The following USP29 variants were observed in gnomAD, a reference collection of about 807,000 sequenced individuals.
USP29 encodes ubiquitin specific peptidase 29, also known as ubiquitin carboxyl-terminal hydrolase 29.
For missense variants in USP29, 1,102 were observed against 1,069.0 expected (o/e 1.03, Z -0.43); for synonymous variants, 386 against 387.4 (o/e 1.00, Z 0.04).
intron 3 of USP29, among the ~76,000 whole-genome samples, chr19:57,124,491 G>GT (rs71186225): frequency 0.13 from 18,105 of 139,642 alleles, 1,530 homozygotes; most frequent in East Asian, 0.42. Context: ...TTTCTTTTTT[G>GT]TTTTTTTTTT....
chr19:57,131,651 C>T lies in USP29; in HGVS notation c.*207C>T. On this transcript the variant is annotated 3_prime_UTR_variant, in exon 4 of 4. Transcript: ENST00000254181. Reference sequence around the variant, plus strand: ...CAGGCGCATATGCATATTTTCCCTGCAAGATTAGAATGGTGCTCTTCACGT... The same window carrying T: ...CAGGCGCATATGCATATTTTCCCTGTAAGATTAGAATGGTGCTCTTCACGT... 1 of 750,272 alleles carries T rather than the reference C, an allele frequency of 1.3e-6. No homozygotes were observed. The highest frequency in any genetic ancestry group is 2.6e-5 in the South Asian group (1 of 37,810). 46.5% of individuals were successfully genotyped at this position (750,272 alleles called of 1,614,324 possible).
intron 1 of USP29, among the ~76,000 whole-genome samples, chr19:57,121,324 C>T (rs2086794507): frequency 2.1e-5 from 3 of 140,118 alleles, no homozygotes; most frequent in Non-Finnish European, 3.0e-5. Context: ...ATGTTATGTA[C>T]TTATATATTA....
intron 3 of USP29, among the ~76,000 whole-genome samples, chr19:57,124,670 G>A (rs1159511055): frequency 6.6e-6 from 1 of 151,618 alleles, no homozygotes; most frequent in Non-Finnish European, 1.5e-5. Flanking sequence ...CACCATGCCC[G>A]GCTAATTTTT....
At position 57,131,415 on chromosome 19, in the gene USP29, G is replaced by A. The variant is rs1282308852; in HGVS notation, c.2740G>A (p.Glu914Lys). The A allele has an allele frequency of 6.2e-7, 1 of 1,613,094 alleles. No homozygotes were observed. Among genetic ancestry groups the A allele is most frequent in the Non-Finnish European group, 8.5e-7 (1 of 1,179,596 alleles). The part of the protein sequence containing the change: ...QAGVIPQGEY[E>K]GDSLYRPA ...AGGGGTGATCCCTCAGGGGGAATACGAAGGTGACTCTTTGTACAGACCTGC... is the reference window on the plus strand; with the variant it reads ...AGGGGTGATCCCTCAGGGGGAATACAAAGGTGACTCTTTGTACAGACCTGC... Residue 914 changes from glutamate to lysine, a missense_variant, in exon 4 of 4, where the codon GAA becomes AAA. Coordinates refer to ENST00000254181, the MANE Select transcript of USP29 (RefSeq NM_020903.3).
At chr19:57,121,605 TTA>T (rs1322796512) in intron 1 of USP29, among the ~76,000 whole-genome samples, 1 of 146,542 alleles carries the variant, frequency 6.8e-6, no homozygotes, top group African/African-American at 2.5e-5. Context: ...CTTATATATG[TTA>T]TATATGCTTA....
Position 57,131,376 on chromosome 19 carries a change from C to G in USP29, c.2701C>G (p.Pro901Ala), listed in dbSNP as rs2086859928. The G allele has an allele frequency of 1.9e-6, 3 of 1,614,154 alleles. No individual in the cohort carries two copies. In the East Asian group the frequency reaches 6.7e-5, roughly 36 times the overall value. Residue 901 changes from proline to alanine, a missense_variant, in exon 4 of 4, where the codon CCT becomes GCT. Transcript: ENST00000254181. ...LLRKAENSRL[P>A]STQAGVIPQG... ...AAGAAAAGCAGAGAACTCTCGGCTA[C>G]CTAGCACACAGGCAGGGGTGATCCC...
At chr19:57,125,926 C>A (rs4292020) in intron 3 of USP29, among the ~76,000 whole-genome samples, 20,601 of 152,000 alleles carry the variant, frequency 0.14, 2,115 homozygotes, top group African/African-American at 0.29. Context: ...ATATTTAGTG[C>A]TTCCTCCAGG....
Position 57,131,674 on chromosome 19 carries a change from C to T in USP29, c.*230C>T, listed in dbSNP as rs892458121. 33 of 618,690 alleles carry T rather than the reference C, an allele frequency of 5.3e-5. No homozygotes were observed. The highest frequency in any genetic ancestry group is 7.4e-5 in the Admixed American group (2 of 26,960). 38.3% of individuals were successfully genotyped at this position (618,690 alleles called of 1,614,324 possible). A position where few individuals can be genotyped will look rare whatever the true frequency, so the allele number is the denominator to read the frequency against. On this transcript the variant is annotated 3_prime_UTR_variant, in exon 4 of 4. Transcript: ENST00000254181. ...TGCAAGATTAGAATGGTGCTCTTCA[C>T]GTTTTGACGGTGGTTTTCAAAATGT...
Position 57,131,470 on chromosome 19 carries a change from C to T in USP29, c.*26C>T, listed in dbSNP as rs1376288572. 6.4e-7 allele frequency: 1 copy of T among 1,566,036 alleles called. No individual in the cohort carries two copies. Among genetic ancestry groups the T allele is most frequent in the Non-Finnish European group, 8.6e-7 (1 of 1,157,408 alleles). On this transcript the variant is annotated 3_prime_UTR_variant, in exon 4 of 4. Transcript: ENST00000254181. ...CAGACTCACTCGGCCTCACTTCATCCTTGCAAAGAGAATCCTGTACTTCAT... is the reference window on the plus strand; with the variant it reads ...CAGACTCACTCGGCCTCACTTCATCTTTGCAAAGAGAATCCTGTACTTCAT...
At chr19:57,121,607 A>G (rs906487938) in intron 1 of USP29, among the ~76,000 whole-genome samples, 4 of 146,308 alleles carry the variant, frequency 2.7e-5, no homozygotes, top group Non-Finnish European at 6.0e-5. Context: ...TATATATGTT[A>G]TATATGCTTA....
At chr19:57,126,001 G>A (rs1293406724) in intron 3 of USP29, among the ~76,000 whole-genome samples, 1 of 152,132 alleles carries the variant, frequency 6.6e-6, no homozygotes, top group Non-Finnish European at 1.5e-5. Context: ...GTAAAGGATT[G>A]TATTTTTTCT....
rs2086845550 is a variant in USP29, at chr19:57,129,796, A to G, written c.1121A>G (p.His374Arg). The part of the protein sequence containing the change: ...IFSGNMQNDA[H>R]EFLGQCLDQL... ...TCTGGCAACATGCAGAATGATGCTCATGAGTTTTTAGGTCAGTGTTTAGAC... is the reference window on the plus strand; with the variant it reads ...TCTGGCAACATGCAGAATGATGCTCGTGAGTTTTTAGGTCAGTGTTTAGAC... Residue 374 changes from histidine (H) to arginine (R), a missense_variant, in exon 4 of 4, where the codon CAT (histidine) becomes CGT (arginine). Coordinates refer to ENST00000254181, the MANE Select transcript of USP29 (RefSeq NM_020903.3). 6 of 1,614,188 alleles carry G rather than the reference A, an allele frequency of 3.7e-6. No homozygotes were observed. The highest frequency in any genetic ancestry group is 3.3e-5 in the Admixed American group (2 of 60,018).
chr19:57,131,239 C>T lies in USP29; in HGVS notation c.2564C>T (p.Thr855Ile). The change falls in exon 4 of 4, where the codon ACA becomes ATA. Residue 855 changes from threonine (T) to isoleucine (I), a missense_variant. Coordinates refer to ENST00000254181, the MANE Select transcript of USP29 (RefSeq NM_020903.3). ...VYDFQKQAWF[T>I]YNDLCVSEIS... ...GACTTTCAGAAGCAGGCCTGGTTCACATACAACGATCTATGTGTATCAGAA... is the reference window on the plus strand; with the variant it reads ...GACTTTCAGAAGCAGGCCTGGTTCATATACAACGATCTATGTGTATCAGAA... The T allele has an allele frequency of 6.2e-7, 1 of 1,614,194 alleles. No individual in the cohort carries two copies. The highest frequency in any genetic ancestry group is 8.5e-7 in the Non-Finnish European group (1 of 1,180,034).
rs2086786148 is a variant in USP29 at position 57,120,074 on chromosome 19, C to G, written c.-423C>G. 6.6e-6 allele frequency: 1 copy of G among 152,374 alleles called. No homozygotes were observed. Among genetic ancestry groups the G allele is most frequent in the African/African-American group, 2.4e-5 (1 of 41,454 alleles). 9.4% of individuals were successfully genotyped at this position (152,374 alleles called of 1,614,324 possible). On this transcript the variant is annotated 5_prime_UTR_variant, in exon 1 of 4. Transcript: ENST00000254181. ...TCCAGAGCCATGGGAGCCGGAAGTC[C>G]AAGGAACTGTACCTCCATCATGACG... is the stretch of plus-strand genomic sequence containing the variant.
At chr19:57,126,781 C>G (rs2086826478) in intron 3 of USP29, among the ~76,000 whole-genome samples, 1 of 152,100 alleles carries the variant, frequency 6.6e-6, no homozygotes, top group Non-Finnish European at 1.5e-5. Context: ...ATCTCATTCT[C>G]TGTCCAGTTT....
At chr19:57,121,754 A>G (rs2086798799) in intron 1 of USP29, among the ~76,000 whole-genome samples, 1 of 148,792 alleles carries the variant, frequency 6.7e-6, no homozygotes, top group Non-Finnish European at 1.5e-5. Flanking sequence ...TAAAACAAAA[A>G]GCACGGTTAC....
chr19:57,128,335 G>A (rs570317809), intron 3 of USP29, among the ~76,000 whole-genome samples: 3 of 152,308 alleles, frequency 2.0e-5, no homozygotes, highest in South Asian at 4.1e-4. Context: ...GCCTCCCAGA[G>A]TGCTAAGATT....
chr19:57,126,191 T>G (rs1299556768), intron 3 of USP29, among the ~76,000 whole-genome samples: 1 of 152,144 alleles, frequency 6.6e-6, no homozygotes, highest in Non-Finnish European at 1.5e-5. Flanking sequence ...CCTTAACATT[T>G]TTTTCCTTTG....
At chr19:57,121,250 G>GAT (rs1275323863) in intron 1 of USP29, among the ~76,000 whole-genome samples, 1 of 147,338 alleles carries the variant, frequency 6.8e-6, no homozygotes, top group Non-Finnish European at 1.5e-5. Context: ...GAAAATGTAG[G>GAT]ATATATATGT....
Sources: allele counts gnomAD v4.1 joint callset (sites outside exome capture counted in the v4.1 genomes callset), GRCh38; gene constraint gnomAD v4.1.1; transcripts MANE v1.5; gene names NCBI Gene and HGNC (gene_info 2026-07-23, HGNC 2026-07-21).